The following CPT1C variants were observed in gnomAD, a reference collection of about 807,000 sequenced individuals.
The protein encoded by CPT1C is carnitine palmitoyltransferase 1C.
In CPT1C, 61 loss-of-function variants were observed where a neutral mutation model predicts 97.3. The observed-to-expected ratio is 0.63, with a 90% confidence interval of 0.51 to 0.78. The LOEUF is 0.78. Ranked by LOEUF, CPT1C falls within the 30% of genes least tolerant of loss-of-function variation. CPT1C has a pLI of 0.00. For synonymous variants in CPT1C, 469 were observed against 447.2 expected, an observed-to-expected ratio of 1.05 and a Z score of -0.61; for missense variants, 975 against 1,065.5, an observed-to-expected ratio of 0.92 and a Z score of 1.18.
At chr19:49,708,130 T>C (rs753004016) in intron 13 of CPT1C, among the ~76,000 whole-genome samples, 1 of 150,922 alleles carries the variant, frequency 6.6e-6, no homozygotes, top group East Asian at 1.9e-4. Flanking sequence ...AGTTGGTAAC[T>C]GGGGCTCAAA....
rs761961236 is a variant in CPT1C, at chr19:49,710,798, C to G, written c.1807C>G (p.Arg603Gly). 6.2e-7 allele frequency: 1 copy of G among 1,613,918 alleles called. No individual in the cohort carries two copies. Among genetic ancestry groups the G allele is most frequent in the East Asian group, 2.2e-5 (1 of 44,872 alleles). Residue 603 changes from arginine (R) to glycine (G), a missense_variant, in exon 16 of 20, where the codon CGG (arginine) becomes GGG (glycine). This residue lies in a region of CPT1C where 344 missense variants were observed against 395.7 expected (regional missense o/e 0.87). Transcript: ENST00000598293. ...CCTGGAAGGCCGGACGGAGACGGTG[C>G]GGTCTTGCACGAGGGAGGCCTGCAA... is the stretch of plus-strand genomic sequence containing the variant. ...LFLEGRTETVRSCTREACNFV... is the reference protein window; with the variant it reads ...LFLEGRTETVGSCTREACNFV...
chr19:49,709,799 AG>A (rs2083737891), intron 14 of CPT1C, among the ~76,000 whole-genome samples: 1 of 150,234 alleles, frequency 6.7e-6, no homozygotes, highest in African/African-American at 2.5e-5. Flanking sequence ...CAGGTGATCC[AG>A]CCACCTCAGT....
intron 3 of CPT1C, among the ~76,000 whole-genome samples, chr19:49,693,990 G>C (rs1431054456): frequency 6.6e-6 from 1 of 151,862 alleles, no homozygotes; most frequent in Non-Finnish European, 1.5e-5. Flanking sequence ...GCGTGAATCC[G>C]GGAGGCGGAG....
intron 13 of CPT1C, 150 bp downstream of exon 13, chr19:49,707,773 T>A (rs1304858108): frequency 3.0e-5 from 16 of 529,694 alleles, no homozygotes; most frequent in Non-Finnish European, 4.6e-5. Flanking sequence ...GAGGCCGAGG[T>A]GGGCGGATCA....
At chr19:49,701,440 C>T (rs752193429) in intron 6 of CPT1C, 22 bp downstream of exon 6, 50 of 1,588,210 alleles carry the variant, frequency 3.1e-5, no homozygotes, top group Middle Eastern at 1.7e-4. Context: ...AGCGCGCAGA[C>T]GGGCTGGGGC....
chr19:49,702,638 GAAA>G lies in CPT1C; in HGVS notation c.693+1013_693+1015del, dbSNP rs1161628448. On this transcript the variant is annotated intron_variant, in intron 7 of 19. Coordinates refer to ENST00000598293, the MANE Select transcript of CPT1C (RefSeq NM_001199753.2). The stretch of plus-strand genomic sequence containing the variant: ...CTGTCTCAAAAAAAAAAAAAGAAAA[GAAA>G]AAAAAAAAGACAAAACCAAAGGAGT... Among the ~76,000 whole-genome samples, 4 of 143,196 alleles carry G rather than the reference GAAA, an allele frequency of 2.8e-5. No homozygotes were observed. The East Asian group carries it at 6.3e-4, about 22-fold the overall frequency. The allele number at this position is 143,196 out of a possible 152,430, so 93.9% of individuals were successfully genotyped here.
chr19:49,691,100 A>T (rs1389117971), upstream of CPT1C: 3 of 151,850 alleles, frequency 2.0e-5, no homozygotes, highest in African/African-American at 7.3e-5. Flanking sequence ...GGAGGCGGGG[A>T]TAAAACCCGG....
At chr19:49,695,071 G>A (rs2082587163) in intron 3 of CPT1C, among the ~76,000 whole-genome samples, 1 of 151,812 alleles carries the variant, frequency 6.6e-6, no homozygotes, top group Non-Finnish European at 1.5e-5. Context: ...AACCCAGGAG[G>A]CGGAGCTTGC....
In CPT1C at chr19:49,694,171, GAGAAGGCAATAAAACAGATGAGCAAAAC is replaced by G. The variant is rs1225538306; in HGVS notation, c.141+1806_141+1833del. Among the ~76,000 whole-genome samples, 6 of 152,156 alleles carry G rather than the reference GAGAAGGCAATAAAACAGATGAGCAAAAC, an allele frequency of 3.9e-5. 1 individual carries two copies. The highest frequency in any genetic ancestry group is 9.6e-5 in the African/African-American group (4 of 41,526). ...TATAGAGTTCTCATTCGAGTTGGGG[GAGAAGGCAATAAAACAGATGAGCAAAAC>G]AGAAGGCAATAAAACAGATGAGCAA... On this transcript the variant is annotated intron_variant, in intron 3 of 19. Transcript: ENST00000598293.
Position 49,701,332 on chromosome 19 carries a change from T to C in CPT1C, c.469T>C (p.Phe157Leu). The change falls in exon 6 of 20, where the codon TTC becomes CTC. Residue 157 changes from phenylalanine (F) to leucine (L), a missense_variant. Physicochemically the swap from Phe to Leu is conservative, Grantham distance 22. This residue lies in a region of CPT1C where 596 missense variants were observed against 603.1 expected (regional missense o/e 0.99). Transcript: ENST00000598293. ...TCCTCCCCAGGCCCTGGTCCGCATCTTCTCTGGCCGCCACCCGATGCTGTT... is the reference window on the plus strand; with the variant it reads ...TCCTCCCCAGGCCCTGGTCCGCATCCTCTCTGGCCGCCACCCGATGCTGTT... Reference protein sequence around the residue: ...TKTWLALVRIFSGRHPMLFSY... With the variant: ...TKTWLALVRILSGRHPMLFSY... The C allele has an allele frequency of 1.2e-6, 2 of 1,613,138 alleles. No individual in the cohort carries two copies. Among genetic ancestry groups the C allele is most frequent in the Non-Finnish European group, 1.7e-6 (2 of 1,179,798 alleles).
At chr19:49,709,381 C>T (rs1409105901) in intron 14 of CPT1C, among the ~76,000 whole-genome samples, 1 of 151,756 alleles carries the variant, frequency 6.6e-6, no homozygotes, top group Non-Finnish European at 1.5e-5. Flanking sequence ...CAGCCACAAC[C>T]CCACCTCCAA....
rs1442821131 is a variant in CPT1C, at chr19:49,691,586, G to A, written c.-83-235G>A. ...TCCCCCTCGCCTTGGCATGAAAAGC[G>A]GCAATGGGGTGGACAGCGTCAATGT... is the stretch of plus-strand genomic sequence containing the variant. On this transcript the variant is annotated intron_variant, in intron 1 of 19. Coordinates refer to ENST00000598293, the MANE Select transcript of CPT1C (RefSeq NM_001199753.2). 2.0e-5 allele frequency: 3 copies of A among 152,168 alleles called. No homozygotes were observed. In the East Asian group the frequency reaches 5.8e-4, roughly 29 times the overall value. The allele number at this position is 152,168 out of a possible 1,614,324, so 9.4% of individuals were successfully genotyped here. A position where few individuals can be genotyped will look rare whatever the true frequency, so the allele number is the denominator to read the frequency against.
Position 49,706,157 on chromosome 19 carries a change from A to C in CPT1C, c.1160+53A>C. 6.4e-7 allele frequency: 1 copy of C among 1,569,582 alleles called. No individual in the cohort carries two copies. The highest frequency in any genetic ancestry group is 8.6e-7 in the Non-Finnish European group (1 of 1,156,360). On this transcript the variant is annotated intron_variant, in intron 11 of 19. Coordinates refer to ENST00000598293, the MANE Select transcript of CPT1C (RefSeq NM_001199753.2). This position sits in a 1 kb window ranked among gnomAD's most constrained non-coding sequence, Gnocchi z 4.8. ...GCTCTCAGAGGCCGCCAGTGTCCTG[A>C]GACTGTGGAAGGGCAGGGTGGGGCC...
chr19:49,691,334 C>T lies in CPT1C; in HGVS notation c.-90C>T, dbSNP rs1233114299. The stretch of plus-strand genomic sequence containing the variant: ...GGATCCGATCAGCGGACCCTTGATT[C>T]AACGTGGTAAGTACTGGACCCCAGG... On this transcript the variant is annotated 5_prime_UTR_variant, in exon 1 of 20. Transcript: ENST00000598293. 6.6e-6 allele frequency: 1 copy of T among 152,092 alleles called. No individual in the cohort carries two copies. Among genetic ancestry groups the T allele is most frequent in the East Asian group, 1.9e-4 (1 of 5,186 alleles). 9.4% of individuals were successfully genotyped at this position (152,092 alleles called of 1,614,324 possible).
chr19:49,709,470 C>T (rs1041631870), intron 14 of CPT1C, among the ~76,000 whole-genome samples: 1 of 151,698 alleles, frequency 6.6e-6, no homozygotes, highest in Non-Finnish European at 1.5e-5. Flanking sequence ...CTCTCAGTCC[C>T]TCCTCCATCC....
chr19:49,692,276 G>A lies in CPT1C; in HGVS notation c.24G>A (p.Val8=), dbSNP rs763509355. The A allele has an allele frequency of 5.0e-6, 8 of 1,614,030 alleles. No individual in the cohort carries two copies. Among genetic ancestry groups the A allele is most frequent in the Non-Finnish European group, 6.8e-6 (8 of 1,180,026 alleles). The change falls in exon 3 of 20, where the codon GTG becomes GTA. Residue 8 remains valine (V), a synonymous_variant. Transcript: ENST00000598293. MAEAHQA[V]GFRPSLTSDG... ...ACATGGCTGAAGCGCACCAGGCCGT[G>A]GGCTTCCGACCCTCGCTGACCTCGG...
At chr19:49,711,479 G>C in intron 16 of CPT1C, 1 of 319,598 alleles carries the variant, frequency 3.1e-6, no homozygotes, top group Non-Finnish European at 5.8e-6. Flanking sequence ...TTGCACCCCT[G>C]TACCCTCTCT....
rs537838526 is a variant in CPT1C at position 49,710,571 on chromosome 19, C to T, written c.1731+87C>T. ...CTGCCCCTCCACGGTTCCTTGTGGTCGCTGCCATTGTGGGTCGGCCATCTT... is the reference window on the plus strand; with the variant it reads ...CTGCCCCTCCACGGTTCCTTGTGGTTGCTGCCATTGTGGGTCGGCCATCTT... On this transcript the variant is annotated intron_variant, in intron 15 of 19. Transcript: ENST00000598293. The T allele has an allele frequency of 3.7e-4, 589 of 1,576,052 alleles. 5 individuals carry two copies. The South Asian group carries it at 5.5e-3, about 15-fold the overall frequency.
chr19:49,701,023 C>T (rs555702693), intron 5 of CPT1C, among the ~76,000 whole-genome samples, 168 bp downstream of exon 5: 1 of 142,262 alleles, frequency 7.0e-6, no homozygotes, highest in South Asian at 2.6e-4. Context: ...GTCTCTGTCC[C>T]CCTCTCTCTG....
Sources: allele counts gnomAD v4.1 joint callset (sites outside exome capture counted in the v4.1 genomes callset), GRCh38; gene constraint gnomAD v4.1.1; regional missense constraint gnomAD v4.1.1; non-coding constraint Gnocchi (gnomAD v3.1); transcripts MANE v1.5; gene names NCBI Gene and HGNC (gene_info 2026-07-23, HGNC 2026-07-21).